CTNNA2: variants seen among roughly 807,000 people sequenced by gnomAD.
The protein encoded by CTNNA2 is catenin alpha 2.
In CTNNA2, 42 loss-of-function variants were observed where a neutral mutation model predicts 101.0. The observed-to-expected ratio is 0.42, with a 90% CI of 0.32 to 0.54. The LOEUF (loss-of-function observed/expected upper bound fraction) is 0.54, where lower values mean the gene tolerates loss of function less well. Ranked by LOEUF, CTNNA2 falls within the 20% of genes least tolerant of loss-of-function variation. CTNNA2 has a pLI of 0.14. For synonymous variants in CTNNA2, 450 were observed against 456.4 expected, an observed-to-expected ratio of 0.99 and a Z score of 0.18; for missense variants, 871 against 1,223.1, an observed-to-expected ratio of 0.71 and a Z score of 4.29.
chr2:79,814,192 A>G (rs1477746212), intron 3 of CTNNA2, among the ~76,000 whole-genome samples: 1 of 152,176 alleles, frequency 6.6e-6, no homozygotes, highest in South Asian at 2.1e-4. Flanking sequence ...GAGGTCCGAC[A>G]AAACTTTGGA....
chr2:80,556,773 G>A (rs1450445313), intron 12 of CTNNA2, among the ~76,000 whole-genome samples: 3 of 152,184 alleles, frequency 2.0e-5, no homozygotes, highest in African/African-American at 7.2e-5. Flanking sequence ...AAAAGAGAAT[G>A]TAAGTCCACA....
At chr2:79,779,188 A>G (rs1674236346) in intron 3 of CTNNA2, among the ~76,000 whole-genome samples, 1 of 151,620 alleles carries the variant, frequency 6.6e-6, no homozygotes, top group Non-Finnish European at 1.5e-5. Context: ...TTTAATGGGG[A>G]AAAAATAGTC....
intron 7 of CTNNA2, among the ~76,000 whole-genome samples, chr2:80,142,885 A>G (rs1004902328): frequency 3.3e-5 from 5 of 149,794 alleles, no homozygotes; most frequent in Non-Finnish European, 7.4e-5. Context: ...ATCATTCCTC[A>G]GGTGCCCCAT....
In CTNNA2 at chr2:79,874,273, C is replaced by T. The variant is rs376731072; in HGVS notation, c.783C>T (p.Thr261=). 2.5e-6 allele frequency: 4 copies of T among 1,614,006 alleles called. No homozygotes were observed. Among genetic ancestry groups the T allele is most frequent in the South Asian group, 1.1e-5 (1 of 91,078 alleles). ...GCATCTCCAATGCTGCTCAAGCTAC[C>T]TCGCCCACTGACGAAGCCAAGGGCC... ...IAGISNAAQA[T]SPTDEAKGHT... is the part of the protein sequence containing the mutation. The change falls in exon 6 of 19, where the codon ACC becomes ACT. Residue 261 remains threonine, a synonymous_variant. Transcript: ENST00000402739.
intron 4 of CTNNA2, among the ~76,000 whole-genome samples, chr2:79,458,888 C>T (rs894077259): frequency 2.4e-4 from 36 of 152,140 alleles, no homozygotes; most frequent in African/African-American, 8.7e-4. Context: ...AACTTATTCC[C>T]CTGCCATTTC....
intron 1 of CTNNA2, among the ~76,000 whole-genome samples, chr2:79,565,299 G>A (rs1447598405): frequency 2.6e-5 from 4 of 151,860 alleles, no homozygotes; most frequent in African/African-American, 7.3e-5. Context: ...AGTCCTCCTA[G>A]CTGGTTTCCC....
At chr2:79,705,042 G>T (rs942524582) in intron 2 of CTNNA2, among the ~76,000 whole-genome samples, 3 of 152,068 alleles carry the variant, frequency 2.0e-5, no homozygotes, top group Non-Finnish European at 4.4e-5. Context: ...TAATATTTTT[G>T]ACGCTACATC....
intron 1 of CTNNA2, among the ~76,000 whole-genome samples, chr2:79,541,427 CAT>C (rs9284785): frequency 0.22 from 31,330 of 142,418 alleles, 3,367 homozygotes; most frequent in African/African-American, 0.24. Flanking sequence ...CGCACACACA[CAT>C]ATATATATAT....
intron 3 of CTNNA2, among the ~76,000 whole-genome samples, chr2:79,827,730 A>G (rs1370917884): frequency 6.6e-6 from 1 of 152,200 alleles, no homozygotes; most frequent in East Asian, 1.9e-4. Flanking sequence ...GTTTTTTTTA[A>G]AAGTCTTATG....
chr2:79,498,317 G>T (rs1295800577), intron 4 of CTNNA2, among the ~76,000 whole-genome samples: 4 of 152,180 alleles, frequency 2.6e-5, no homozygotes, highest in African/African-American at 7.2e-5. Context: ...AGTCCCAGTA[G>T]GTGCAAATCT....
At chr2:80,399,003 G>A (rs1342504019) in intron 8 of CTNNA2, among the ~76,000 whole-genome samples, 1 of 151,642 alleles carries the variant, frequency 6.6e-6, no homozygotes, top group East Asian at 2.0e-4. Flanking sequence ...TCACCTCCCG[G>A]GCTAAAGTGA....
intron 7 of CTNNA2, among the ~76,000 whole-genome samples, chr2:80,106,292 T>C (rs1261485901): frequency 6.6e-6 from 1 of 152,198 alleles, no homozygotes; most frequent in Non-Finnish European, 1.5e-5. Flanking sequence ...CAGGCATCTC[T>C]GGATCCCATC....
Position 79,715,958 on chromosome 2 carries a change from A to G in CTNNA2, c.103-28429A>G, listed in dbSNP as rs567291896. Among the ~76,000 whole-genome samples the G allele has an allele frequency of 1.9e-3, 290 of 152,344 alleles. 2 individuals are homozygous for G. The highest frequency in any genetic ancestry group is 6.8e-3 in the Middle Eastern group (2 of 294). On this transcript the variant is annotated intron_variant, in intron 2 of 18. Transcript: ENST00000402739. ...CTGACAAAGTGCAATCACGATTTCAAAATTTGGACCAAAAATAAATTTCAT... is the reference window on the plus strand; with the variant it reads ...CTGACAAAGTGCAATCACGATTTCAGAATTTGGACCAAAAATAAATTTCAT...
At chr2:79,521,147 TATATATATATATATATATATAA>T (rs1672094361) in intron 1 of CTNNA2, among the ~76,000 whole-genome samples, 1 of 53,736 alleles carries the variant, frequency 1.9e-5, no homozygotes, top group Non-Finnish European at 3.6e-5. Context: ...TATATATATA[TATATATATATATATATATATAA>T]ATTTTAAGGT....
At chr2:80,244,060 C>CA (rs1393650896) in intron 7 of CTNNA2, among the ~76,000 whole-genome samples, 1 of 152,176 alleles carries the variant, frequency 6.6e-6, no homozygotes, top group African/African-American at 2.4e-5. Context: ...AAGAAAAACA[C>CA]AGACCAAGGG....
chr2:80,300,284 GTGTGTGTGTGTGT>G (rs1558981554), intron 7 of CTNNA2, among the ~76,000 whole-genome samples: 8 of 12,090 alleles, frequency 6.6e-4, no homozygotes, highest in Non-Finnish European at 1.1e-3. Flanking sequence ...GTGTTGGGGT[GTGTGTGTGTGTGT>G]GTGTGTGTGT....
At chr2:80,546,238 TTA>T (rs550324076) in intron 11 of CTNNA2, among the ~76,000 whole-genome samples, 175 bp downstream of exon 11, 27 of 152,332 alleles carry the variant, frequency 1.8e-4, no homozygotes, top group Admixed American at 3.3e-4. Context: ...GCTTCGGTGT[TTA>T]TGTTATTTCA....
intron 3 of CTNNA2, among the ~76,000 whole-genome samples, chr2:79,337,888 G>T (rs34105211): frequency 0.025 from 3,775 of 152,216 alleles, 71 homozygotes; most frequent in Non-Finnish European, 0.039. Context: ...GTGGGGTTCT[G>T]ATTTATTCAA....
chr2:80,258,715 A>G (rs1221407703), intron 7 of CTNNA2, among the ~76,000 whole-genome samples: 1 of 152,090 alleles, frequency 6.6e-6, no homozygotes, highest in Admixed American at 6.5e-5. Flanking sequence ...CAAAACCATA[A>G]CCGGCAGGGA....
Sources: allele counts gnomAD v4.1 joint callset (sites outside exome capture counted in the v4.1 genomes callset), GRCh38; gene constraint gnomAD v4.1.1; transcripts MANE v1.5; gene names NCBI Gene and HGNC (gene_info 2026-07-23, HGNC 2026-07-21).